ACOXL: variants seen among roughly 807,000 people sequenced by gnomAD.
ACOXL encodes the protein acyl-CoA oxidase like.
Under a neutral mutation model 71.9 loss-of-function variants are expected in ACOXL, and 70 were observed. The ratio of observed to expected loss-of-function variants is 0.97; its 90% confidence interval spans 0.80 to 1.19. ACOXL has a LOEUF of 1.19. Ranked by LOEUF, ACOXL falls within the 50% of genes most tolerant of loss-of-function variation. ACOXL has a pLI of 0.00. For missense variants in ACOXL, 703 were observed against 736.3 expected, an observed-to-expected ratio of 0.95 and a Z score of 0.52; for synonymous variants, 253 against 281.6, an observed-to-expected ratio of 0.90 and a Z score of 1.02.
At chr2:110,937,177 G>A (rs2060695210) in intron 12 of ACOXL, among the ~76,000 whole-genome samples, 1 of 152,100 alleles carries the variant, frequency 6.6e-6, no homozygotes, top group African/African-American at 2.4e-5. Flanking sequence ...TTTCAGGGAG[G>A]GCGATAAAAG....
At chr2:111,005,321 C>T (rs1167439784) in intron 14 of ACOXL, among the ~76,000 whole-genome samples, 2 of 152,196 alleles carry the variant, frequency 1.3e-5, no homozygotes, top group Non-Finnish European at 2.9e-5. Flanking sequence ...TCCTCAAAAT[C>T]CAGGGGCAGT....
chr2:111,117,849 C>T lies in ACOXL; in HGVS notation c.*33C>T, dbSNP rs1267545856. 6.5e-7 allele frequency: 1 copy of T among 1,532,296 alleles called. No homozygotes were observed. The highest frequency in any genetic ancestry group is 2.5e-5 in the East Asian group (1 of 40,676). 94.9% of individuals were successfully genotyped at this position (1,532,296 alleles called of 1,614,324 possible). A position where few individuals can be genotyped will look rare whatever the true frequency, so the allele number is the denominator to read the frequency against. ...GGCGGGAAGTGTGGTGGCCCGCCAG[C>T]AGCTGCCACGACGCTCGCTCCACCG... is the stretch of plus-strand genomic sequence containing the variant. On this transcript the variant is annotated 3_prime_UTR_variant, in exon 18 of 18. Transcript: ENST00000439055.
At chr2:111,070,476 A>T (rs1028226788) in intron 16 of ACOXL, among the ~76,000 whole-genome samples, 6 of 152,168 alleles carry the variant, frequency 3.9e-5, no homozygotes, top group Non-Finnish European at 8.8e-5. Flanking sequence ...GAGAGGAACA[A>T]CAGACACTGG....
intron 12 of ACOXL, among the ~76,000 whole-genome samples, chr2:110,952,239 C>A (rs1183349182): frequency 6.6e-6 from 1 of 152,028 alleles, no homozygotes; most frequent in Non-Finnish European, 1.5e-5. Flanking sequence ...TTCATTTCTT[C>A]TTAGTTTTAA....
chr2:110,847,100 C>A (rs796960242), intron 10 of ACOXL, among the ~76,000 whole-genome samples: 19 of 152,096 alleles, frequency 1.2e-4, no homozygotes, highest in African/African-American at 4.6e-4. Flanking sequence ...AGCTGGGTAA[C>A]CCCCAGAAGT....
chr2:110,773,739 C>A lies in ACOXL; in HGVS notation c.75+5275C>A, dbSNP rs191725127. On this transcript the variant is annotated intron_variant, in intron 2 of 17. Coordinates refer to ENST00000439055, the MANE Select transcript of ACOXL (RefSeq NM_001142807.4). Reference sequence around the variant, plus strand: ...CTATATACTGTCTTTGGCAGGAGTCCCTGTCCCAGCTCCAGCTCCACAGAC... The same window carrying A: ...CTATATACTGTCTTTGGCAGGAGTCACTGTCCCAGCTCCAGCTCCACAGAC... 2.0e-4 allele frequency among the ~76,000 whole-genome samples: 31 copies of A among 152,320 alleles called. No individual in the cohort carries two copies. In the East Asian group the frequency reaches 6.0e-3, roughly 29 times the overall value.
chr2:110,927,195 AACTC>A (rs1432316109), intron 11 of ACOXL, among the ~76,000 whole-genome samples: 3 of 152,092 alleles, frequency 2.0e-5, no homozygotes, highest in African/African-American at 7.2e-5. Context: ...ATATCATGAG[AACTC>A]ACTCACTATC....
intron 1 of ACOXL, among the ~76,000 whole-genome samples, chr2:110,751,073 C>T (rs548141517): frequency 2.0e-4 from 31 of 151,874 alleles, no homozygotes; most frequent in African/African-American, 6.8e-4. Flanking sequence ...CCGAGGCAGG[C>T]GGATCATGAG....
intron 16 of ACOXL, among the ~76,000 whole-genome samples, chr2:111,060,269 G>C (rs1389480932): frequency 1.3e-5 from 2 of 152,276 alleles, no homozygotes; most frequent in East Asian, 3.9e-4. Context: ...CCCCACTGCG[G>C]TGGTGTCAGA....
At chr2:111,107,416 A>G (rs930422754) in intron 17 of ACOXL, among the ~76,000 whole-genome samples, 1 of 152,234 alleles carries the variant, frequency 6.6e-6, no homozygotes, top group African/African-American at 2.4e-5. Context: ...AGGGAAAAAC[A>G]TATCCATCTT....
At chr2:110,734,025 C>T (rs1346010561) in intron 1 of ACOXL, among the ~76,000 whole-genome samples, 1 of 152,044 alleles carries the variant, frequency 6.6e-6, no homozygotes, top group Non-Finnish European at 1.5e-5. Context: ...TAGAAGCAGA[C>T]ATGAGAATAC....
chr2:111,017,951 A>G (rs901217691), intron 14 of ACOXL: 1 of 152,208 alleles, frequency 6.6e-6, no homozygotes, highest in Non-Finnish European at 1.5e-5. Flanking sequence ...AGTTCTGAAA[A>G]GTGAGTGGGT....
intron 10 of ACOXL, among the ~76,000 whole-genome samples, chr2:110,842,953 C>A (rs1025543739): frequency 6.6e-6 from 1 of 152,178 alleles, no homozygotes; most frequent in Admixed American, 6.5e-5. Flanking sequence ...GGGTGCTCTT[C>A]CCTTGTAACC....
rs980801931 is a variant in ACOXL at position 110,755,168 on chromosome 2, C to T, written c.-22-13200C>T. Among the ~76,000 whole-genome samples the T allele has an allele frequency of 2.0e-5, 3 of 152,140 alleles. No homozygotes were observed. In the East Asian group the frequency reaches 5.8e-4, roughly 29 times the overall value. ...TGGAGCTGCTGGCCAGAGCTAGGCC[C>T]TCCCTAGACCTCATCACATCTCCAA... is the stretch of plus-strand genomic sequence containing the variant. On this transcript the variant is annotated intron_variant, in intron 1 of 17. Coordinates refer to ENST00000439055, the MANE Select transcript of ACOXL (RefSeq NM_001142807.4).
chr2:110,861,726 A>G (rs1376094658), intron 10 of ACOXL, among the ~76,000 whole-genome samples: 6 of 152,160 alleles, frequency 3.9e-5, no homozygotes, highest in Non-Finnish European at 1.5e-5. Flanking sequence ...TATTGTCACT[A>G]CGTAATGTCT....
chr2:110,967,202 G>A (rs1383733715), intron 12 of ACOXL, among the ~76,000 whole-genome samples: 1 of 152,048 alleles, frequency 6.6e-6, no homozygotes. Flanking sequence ...GCAAATAAAA[G>A]GGGACCAAAT....
intron 2 of ACOXL, among the ~76,000 whole-genome samples, chr2:110,771,859 A>G (rs1005461126): frequency 6.6e-6 from 1 of 152,196 alleles, no homozygotes; most frequent in Non-Finnish European, 1.5e-5. Flanking sequence ...TTCCAGATGC[A>G]GAGACCTTCT....
At chr2:110,825,061 T>A (rs771040253) in intron 9 of ACOXL, among the ~76,000 whole-genome samples, 3 of 152,246 alleles carry the variant, frequency 2.0e-5, no homozygotes, top group Admixed American at 2.0e-4. Context: ...AAGCCTTTGC[T>A]ACATTGCTTT....
chr2:110,792,832 G>A (rs57847126), intron 3 of ACOXL, among the ~76,000 whole-genome samples: 8,467 of 152,112 alleles, frequency 0.056, 399 homozygotes, highest in African/African-American at 0.12. Context: ...CCCACAAAAG[G>A]CCAAGCAAAG....
Sources: allele counts gnomAD v4.1 joint callset (sites outside exome capture counted in the v4.1 genomes callset), GRCh38; gene constraint gnomAD v4.1.1; transcripts MANE v1.5; gene names NCBI Gene and HGNC (gene_info 2026-07-23, HGNC 2026-07-21).